EPPK1: variants seen among roughly 807,000 people sequenced by gnomAD.
The protein encoded by EPPK1 is epiplakin 1, also known as epiplakin.
For missense variants in EPPK1, 3,823 were observed against 3,673.3 expected, an observed-to-expected ratio of 1.04 and a Z score of -1.05; for synonymous variants, 1,862 against 1,721.2, an observed-to-expected ratio of 1.08 and a Z score of -2.03.
Position 143,868,807 on chromosome 8 carries a change from G to T in EPPK1, c.4447C>A (p.Arg1483=). ...LLSEYVGADK[R]RELVALCRSG... ...CGACAGAGTGCCACCAGCTCCCGCCGCTTGTCAGCGCCAACGTATTCGGAG... is the reference window on the plus strand; with the variant it reads ...CGACAGAGTGCCACCAGCTCCCGCCTCTTGTCAGCGCCAACGTATTCGGAG... Residue 1483 remains arginine (R), a synonymous_variant, in exon 2 of 2, where the codon CGG becomes AGG. Coordinates refer to ENST00000615648, the MANE Select transcript of EPPK1 (RefSeq NM_031308.4). 1 of 1,603,502 alleles carries T rather than the reference G, an allele frequency of 6.2e-7. No homozygotes were observed.
Position 143,871,165 on chromosome 8 carries a change from C to T in EPPK1, c.2089G>A (p.Gly697Arg), listed in dbSNP as rs781965772. ...AVTGYTDPYT[G>R]QQISLFQAMQ... ...GCCTGGAAGAGGGAGATCTGCTGCC[C>T]GGTGTAGGGGTCAGTGTAGCCAGTG... Residue 697 changes from glycine (G) to arginine (R), a missense_variant, in exon 2 of 2, where the codon GGG (glycine) becomes AGG (arginine). Transcript: ENST00000615648. 188 of 1,613,072 alleles carry T rather than the reference C, an allele frequency of 1.2e-4. No homozygotes were observed. The highest frequency in any genetic ancestry group is 8.7e-4 in the Admixed American group (52 of 60,004).
In EPPK1 at chr8:143,870,110, C is replaced by A. The variant is rs781997343; in HGVS notation, c.3144G>T (p.Gly1048=). Residue 1048 remains glycine, a synonymous_variant, in exon 2 of 2, where the codon GGG becomes GGT. Coordinates refer to ENST00000615648, the MANE Select transcript of EPPK1 (RefSeq NM_031308.4). This position sits in a 1 kb window ranked among gnomAD's most constrained non-coding sequence, Gnocchi z 5.2. Reference sequence around the variant, plus strand: ...GGTGGTGGCTGGTGGGGTCAATGATCCCTCCTGTGGCCACTTGAGCCTCCA... The same window carrying A: ...GGTGGTGGCTGGTGGGGTCAATGATACCTCCTGTGGCCACTTGAGCCTCCA... ...RLLEAQVATG[G]IIDPTSHHHL... 5 of 1,610,860 alleles carry A rather than the reference C, an allele frequency of 3.1e-6. No individual in the cohort carries two copies. Among genetic ancestry groups the A allele is most frequent in the Non-Finnish European group, 4.2e-6 (5 of 1,179,108 alleles).
In EPPK1 at chr8:143,866,998, T is replaced by A. The variant is rs1015473623; in HGVS notation, c.6256A>T (p.Asn2086Tyr). 17 of 1,612,740 alleles carry A rather than the reference T, an allele frequency of 1.1e-5. No homozygotes were observed. The highest frequency in any genetic ancestry group is 1.4e-5 in the Non-Finnish European group (17 of 1,179,874). Residue 2086 changes from asparagine (N) to tyrosine (Y), a missense_variant, in exon 2 of 2, where the codon AAC becomes TAC. Coordinates refer to ENST00000615648, the MANE Select transcript of EPPK1 (RefSeq NM_031308.4). ...TGCTCGGAGTCCCGTGCAGCCTTGT[T>A]CACTGGGAACAGCAGCCAGCCCGTG... is the stretch of plus-strand genomic sequence containing the variant. The part of the protein sequence containing the change: ...EDTGWLLFPV[N>Y]KAARDSEHID...
rs1280599325 is a variant in EPPK1 at position 143,870,446 on chromosome 8, C to G, written c.2808G>C (p.Arg936=). Residue 936 remains arginine, a synonymous_variant, in exon 2 of 2, where the codon CGG becomes CGC. Transcript: ENST00000615648. The surrounding 1 kb of genome is among the most constrained non-coding windows in gnomAD (Gnocchi z 5.2). ...LCGLGAVGGV[R]LLPSGQRLSL... Reference sequence around the variant, plus strand: ...TGAGCCGCTGGCCAGAGGGCAGCAGCCGCACACCGCCCACAGCTCCCAGGC... The same window carrying G: ...TGAGCCGCTGGCCAGAGGGCAGCAGGCGCACACCGCCCACAGCTCCCAGGC... The G allele has an allele frequency of 6.3e-7, 1 of 1,599,284 alleles. No homozygotes were observed. Among genetic ancestry groups the G allele is most frequent in the Non-Finnish European group, 8.5e-7 (1 of 1,177,070 alleles).
chr8:143,871,851 AG>A lies in EPPK1; in HGVS notation c.1402del (p.Leu468SerfsTer24), dbSNP rs1563887402. 1 of 1,611,740 alleles carries A rather than the reference AG, an allele frequency of 6.2e-7. No individual in the cohort carries two copies. Among genetic ancestry groups the A allele is most frequent in the Non-Finnish European group, 8.5e-7 (1 of 1,179,766 alleles). On this transcript the variant is annotated frameshift_variant, in exon 2 of 2. Coordinates refer to ENST00000615648, the MANE Select transcript of EPPK1 (RefSeq NM_031308.4). LOFTEE classifies it low-confidence loss of function (END_TRUNC). ...CTCCCCTCCCCGGGGTCCCCCTGAG[AG>A]TGGCAGGAAGGCAAGCCCGGTCTCT... Reference protein sequence around the residue: ...DPETGLAFLPLSGGPRGGEPQ... With the variant: ...DPETGLAFLPXSGGPRGGEPQ...
Position 143,872,576 on chromosome 8 carries a change from T to G in EPPK1, c.678A>C (p.Leu226=), listed in dbSNP as rs782482272. ...AGGTGATCTTGAGGGGCAGCAAGGC[T>G]AGCCCCGAGCCGGGGGCACGCACAC... ...ERCVRAPGSG[L]ALLPLKITFR... Residue 226 remains leucine, a synonymous_variant, in exon 2 of 2, where the codon CTA becomes CTC. Transcript: ENST00000615648. 118 of 1,607,386 alleles carry G rather than the reference T, an allele frequency of 7.3e-5. No homozygotes were observed. In the East Asian group the frequency reaches 2.6e-3, roughly 36 times the overall value.
intron 1 of EPPK1, among the ~76,000 whole-genome samples, chr8:143,877,059 C>G (rs1819495654): frequency 6.6e-6 from 1 of 152,276 alleles, no homozygotes; most frequent in South Asian, 2.1e-4. Context: ...AGACAGGGCG[C>G]TTGGGAGCAG....
chr8:143,871,911 T>C lies in EPPK1; in HGVS notation c.1343A>G (p.Tyr448Cys), dbSNP rs782019998. 3 of 1,607,358 alleles carry C rather than the reference T, an allele frequency of 1.9e-6. No homozygotes were observed. In the Admixed American group the frequency reaches 5.0e-5, roughly 27 times the overall value. ...FSDGTHGGLRYEQLLALCVTD... is the reference protein window; with the variant it reads ...FSDGTHGGLRCEQLLALCVTD... Reference sequence around the variant, plus strand: ...GACACAGAGGGCCAGCAGCTGTTCATAGCGCAGGCCGCCGTGCGTGCCGTC... The same window carrying C: ...GACACAGAGGGCCAGCAGCTGTTCACAGCGCAGGCCGCCGTGCGTGCCGTC... Residue 448 changes from tyrosine to cysteine, a missense_variant, in exon 2 of 2, where the codon TAT becomes TGT. Coordinates refer to ENST00000615648, the MANE Select transcript of EPPK1 (RefSeq NM_031308.4).
chr8:143,875,010 G>A (rs545649749), intron 1 of EPPK1, among the ~76,000 whole-genome samples: 49 of 152,174 alleles, frequency 3.2e-4, no homozygotes, highest in Middle Eastern at 3.4e-3. Flanking sequence ...ACAGGGTTCC[G>A]CTCCATCTTC....
intron 1 of EPPK1, among the ~76,000 whole-genome samples, chr8:143,875,379 G>A (rs997854777): frequency 2.6e-5 from 4 of 152,198 alleles, no homozygotes; most frequent in Non-Finnish European, 5.9e-5. Flanking sequence ...CTGGTCCCGG[G>A]CCTCCTCCAG....
rs782428957 is a variant in EPPK1 at position 143,867,966 on chromosome 8, C to T, written c.5288G>A (p.Gly1763Glu). ...CTCATTGATGTACACGTAGTTTTCT[C>T]CTTTCTTTATGATTTGTAGCAGGTA... ...GLYLLQIIKK[G>E]ENYVYINEAT... The change falls in exon 2 of 2, where the codon GGA (glycine) becomes GAA (glutamate). Residue 1763 changes from glycine (G) to glutamate (E), a missense_variant. Physicochemically the swap from Gly to Glu is moderately conservative, Grantham distance 98. Coordinates refer to ENST00000615648, the MANE Select transcript of EPPK1 (RefSeq NM_031308.4). 10 of 1,613,698 alleles carry T rather than the reference C, an allele frequency of 6.2e-6. No individual in the cohort carries two copies. Among genetic ancestry groups the T allele is most frequent in the Non-Finnish European group, 8.5e-6 (10 of 1,179,972 alleles).
At position 143,869,512 on chromosome 8, in the gene EPPK1, C is replaced by G; in HGVS notation, c.3742G>C (p.Val1248Leu). The G allele has an allele frequency of 3.2e-6, 5 of 1,549,840 alleles. No homozygotes were observed. The highest frequency in any genetic ancestry group is 4.3e-6 in the Non-Finnish European group (5 of 1,152,088). The change falls in exon 2 of 2, where the codon GTG (valine) becomes CTG (leucine). Residue 1248 changes from valine (V) to leucine (L), a missense_variant. Val to Leu is a conservative substitution (Grantham distance 32). Transcript: ENST00000615648. ...VKACLWGTGCVAGVLLQPSGA... is the reference protein window; with the variant it reads ...VKACLWGTGCLAGVLLQPSGA... Reference sequence around the variant, plus strand: ...GAGGGCTGTAGCAGCACACCGGCCACGCAGCCTGTGCCCCACAGGCAGGCC... The same window carrying G: ...GAGGGCTGTAGCAGCACACCGGCCAGGCAGCCTGTGCCCCACAGGCAGGCC...
At position 143,871,502 on chromosome 8, in the gene EPPK1, C is replaced by T. The variant is rs1554661194; in HGVS notation, c.1752G>A (p.Glu584=). ...KAEIIDQDLY[E]RLEHGQATAK... ...CTGTGGCCTGTCCATGCTCCAGCCG[C>T]TCGTACAGGTCCTGGTCGATGATCT... The change falls in exon 2 of 2, where the codon GAG becomes GAA. Residue 584 remains glutamate (E), a synonymous_variant. Transcript: ENST00000615648. 2.5e-6 allele frequency: 4 copies of T among 1,609,818 alleles called. No homozygotes were observed. The South Asian group carries it at 3.3e-5, about 13-fold the overall frequency.
At position 143,867,113 on chromosome 8, in the gene EPPK1, C is replaced by T. The variant is rs182185580; in HGVS notation, c.6141G>A (p.Gln2047=). The T allele has an allele frequency of 1.2e-5, 19 of 1,613,008 alleles. No homozygotes were observed. The East Asian group carries it at 2.9e-4, about 25-fold the overall frequency. The change falls in exon 2 of 2, where the codon CAG becomes CAA. Residue 2047 remains glutamine, a synonymous_variant. Coordinates refer to ENST00000615648, the MANE Select transcript of EPPK1 (RefSeq NM_031308.4). The part of the protein sequence containing the change: ...HKDIYALISD[Q]KHMRKRFVDP... ...CCACAAACCGTTTCCTCATGTGCTT[C>T]TGGTCGGAAATGAGCGCATAGATGT...
rs183595356 is a variant in EPPK1 at position 143,866,634 on chromosome 8, G to T, written c.6620C>A (p.Thr2207Lys). 1.9e-6 allele frequency: 3 copies of T among 1,613,018 alleles called. No homozygotes were observed. In the African/African-American group the frequency reaches 4.0e-5, roughly 21 times the overall value. Residue 2207 changes from threonine (T) to lysine (K), a missense_variant, in exon 2 of 2, where the codon ACG (threonine) becomes AAG (lysine). Physicochemically the swap from Thr to Lys is moderately conservative, Grantham distance 78 (BLOSUM62 -1). Transcript: ENST00000615648. ...LQDLETGRST[T>K]QELMEDDRVK... ...GCGGTCGTCCTCCATGAGCTCTTGC[G>T]TCGTGCTCCGTCCCGTTTCCAGGTC...
chr8:143,872,707 C>G lies in EPPK1; in HGVS notation c.547G>C (p.Glu183Gln). 6.3e-7 allele frequency: 1 copy of G among 1,599,340 alleles called. No homozygotes were observed. The highest frequency in any genetic ancestry group is 2.2e-5 in the East Asian group (1 of 44,664). ...AGCTCTGACAGCTTGTGCCATGTCT[C>G]CCGGTCCAGGAGGCCCTGGTGGCAG... is the stretch of plus-strand genomic sequence containing the variant. ...PACHQGLLDR[E>Q]TWHKLSELEP... The change falls in exon 2 of 2, where the codon GAG becomes CAG. Residue 183 changes from glutamate to glutamine, a missense_variant. By Grantham distance (29) the Glu-to-Gln change is conservative (BLOSUM62 2). Transcript: ENST00000615648.
rs782209179 is a variant in EPPK1, at chr8:143,868,391, C to T, written c.4863G>A (p.Arg1621=). The T allele has an allele frequency of 6.2e-7, 1 of 1,612,604 alleles. No homozygotes were observed. Among genetic ancestry groups the T allele is most frequent in the Non-Finnish European group, 8.5e-7 (1 of 1,179,836 alleles). ...TGAACGCCTCCTCCACGGTCAGCTT[C>T]CGGTTCTCCACGGGGTCGATGATGA... The part of the protein sequence containing the change: ...TGFIIDPVEN[R]KLTVEEAFKA... The change falls in exon 2 of 2, where the codon CGG becomes CGA. Residue 1621 remains arginine, a synonymous_variant. Coordinates refer to ENST00000615648, the MANE Select transcript of EPPK1 (RefSeq NM_031308.4).
intron 1 of EPPK1, 131 bp from the exon 2 acceptor site, chr8:143,873,429 C>A: frequency 1.7e-6 from 1 of 591,934 alleles, no homozygotes; most frequent in Non-Finnish European, 2.6e-6. Context: ...TAGAGTGTCC[C>A]CGAGGAGCTG....
In EPPK1 at chr8:143,869,451, T is replaced by A. The variant is rs1554660349; in HGVS notation, c.3803A>T (p.Asp1268Val). The A allele has an allele frequency of 1.3e-6, 2 of 1,574,324 alleles. No homozygotes were observed. Among genetic ancestry groups the A allele is most frequent in the African/African-American group, 1.4e-5 (1 of 73,890 alleles). The part of the protein sequence containing the change: ...AKASIAQAVR[D>V]GLLPTGLGQR... ...GCCCAGGCCTGTGGGCAGGAGGCCA[T>A]CCCTCACGGCCTGGGCGATGCTGGC... The change falls in exon 2 of 2, where the codon GAT (aspartate) becomes GTT (valine). Residue 1268 changes from aspartate to valine, a missense_variant. By Grantham distance (152) the Asp-to-Val change is radical. Transcript: ENST00000615648.
Sources: gnomAD v4.1 joint callset for allele counts (sites outside exome capture counted in the v4.1 genomes callset) on GRCh38, gnomAD v4.1.1 for gene constraint, Gnocchi (gnomAD v3.1) non-coding constraint, MANE v1.5 for transcripts, NCBI Gene and HGNC (gene_info 2026-07-23, HGNC 2026-07-21) for gene names.